SETD7: variants seen among roughly 807,000 people sequenced by gnomAD.
The protein encoded by SETD7 is SET domain containing 7, histone lysine methyltransferase.
In SETD7, 16 loss-of-function variants were observed where a neutral mutation model predicts 41.8. That is an observed-to-expected ratio of 0.38 (90% CI 0.26 to 0.58). SETD7 has a LOEUF of 0.58. Among genes scored for constraint, SETD7 ranks in the 20% least tolerant of loss-of-function variants. SETD7 has a pLI of 0.64. For synonymous variants in SETD7, 163 were observed against 169.7 expected, an observed-to-expected ratio of 0.96 and a Z score of 0.31; for missense variants, 346 against 459.7, an observed-to-expected ratio of 0.75 and a Z score of 2.26.
downstream of SETD7, among the ~76,000 whole-genome samples, chr4:139,505,204 T>C (rs776241888): frequency 1.3e-5 from 2 of 152,206 alleles, no homozygotes; most frequent in Non-Finnish European, 2.9e-5. Context: ...CCAAACTTCC[T>C]AGAATTCACT....
chr4:139,543,999 A>T (rs1727858511), intron 2 of SETD7, among the ~76,000 whole-genome samples: 1 of 148,722 alleles, frequency 6.7e-6, no homozygotes, highest in Non-Finnish European at 1.5e-5. Context: ...AAAATTAGTG[A>T]ATTGGTTAGG....
intron 7 of SETD7, among the ~76,000 whole-genome samples, chr4:139,514,497 G>C (rs1291505563): frequency 6.6e-6 from 1 of 151,394 alleles, no homozygotes; most frequent in Non-Finnish European, 1.5e-5. Context: ...AGACTGAAAA[G>C]AAAGAATTCA....
chr4:139,523,437 T>C lies in SETD7; in HGVS notation c.563-2A>G. On this transcript the variant is annotated splice_acceptor_variant, in intron 4 of 7. Coordinates refer to ENST00000274031, the MANE Select transcript of SETD7 (RefSeq NM_030648.4). LOFTEE classifies it high-confidence loss of function. ...ACTTATCAAAGTGGTACACTGAATC[T>C]GAAAAGCAAACAAAAATACCAGTAT... 2 of 1,609,910 alleles carry C rather than the reference T, an allele frequency of 1.2e-6. No individual in the cohort carries two copies. Among genetic ancestry groups the C allele is most frequent in the Non-Finnish European group, 1.7e-6 (2 of 1,176,396 alleles).
At chr4:139,529,000 G>A (rs1188483249) in intron 4 of SETD7, 31 bp downstream of exon 4, 1 of 1,598,928 alleles carries the variant, frequency 6.3e-7, no homozygotes, top group Admixed American at 1.7e-5. Context: ...TTTGGAATTG[G>A]AGCAACCCAT....
At chr4:139,545,537 T>C (rs1039837355) in intron 2 of SETD7, among the ~76,000 whole-genome samples, 2 of 152,208 alleles carry the variant, frequency 1.3e-5, no homozygotes, top group African/African-American at 4.8e-5. Context: ...AAAACTCTGC[T>C]TTACAAAAAG....
chr4:139,554,538 C>G (rs1728203039), intron 1 of SETD7, among the ~76,000 whole-genome samples: 1 of 152,344 alleles, frequency 6.6e-6, no homozygotes, highest in Admixed American at 6.5e-5. Flanking sequence ...AAGTCAACAA[C>G]TTTTAACTTC....
At chr4:139,519,507 T>C (rs1049254348) in intron 6 of SETD7, among the ~76,000 whole-genome samples, 3 of 152,262 alleles carry the variant, frequency 2.0e-5, no homozygotes, top group African/African-American at 4.8e-5. Context: ...TGACAGACCA[T>C]AGTGCAGTTT....
At position 139,507,097 on chromosome 4, in the gene SETD7, C is replaced by T. The variant is rs544561501; in HGVS notation, c.*4566G>A. Reference sequence around the variant, plus strand: ...CAACCCCAACTCCACTGAGGGCAGCCTCCCTGACGTGTGTGACTAGGCAGT... The same window carrying T: ...CAACCCCAACTCCACTGAGGGCAGCTTCCCTGACGTGTGTGACTAGGCAGT... On this transcript the variant is annotated 3_prime_UTR_variant, in exon 8 of 8. Transcript: ENST00000274031. 6.5e-6 allele frequency: 1 copy of T among 152,802 alleles called. No individual in the cohort carries two copies. The highest frequency in any genetic ancestry group is 2.4e-5 in the African/African-American group (1 of 41,594). The allele number at this position is 152,802 out of a possible 1,614,324, so 9.5% of individuals were successfully genotyped here.
chr4:139,543,359 G>A (rs920379309), intron 2 of SETD7, among the ~76,000 whole-genome samples: 9 of 152,126 alleles, frequency 5.9e-5, no homozygotes, highest in South Asian at 2.1e-4. Context: ...GTAGATTCTC[G>A]ACCTTTTATT....
chr4:139,529,995 A>G (rs1727438005), intron 3 of SETD7, among the ~76,000 whole-genome samples: 1 of 152,158 alleles, frequency 6.6e-6, no homozygotes, highest in Non-Finnish European at 1.5e-5. Flanking sequence ...CTTCATTGCT[A>G]GGGGTCATTG....
intron 1 of SETD7, among the ~76,000 whole-genome samples, chr4:139,552,555 C>A (rs1222245915): frequency 6.6e-6 from 1 of 152,158 alleles, no homozygotes; most frequent in African/African-American, 2.4e-5. Flanking sequence ...CTAAAGAGCC[C>A]CCACGGCTTC....
intron 5 of SETD7, 65 bp from the exon 6 acceptor site, chr4:139,520,459 G>T: frequency 1.1e-6 from 1 of 890,962 alleles, no homozygotes; most frequent in Non-Finnish European, 1.8e-6. Context: ...TACATCAACT[G>T]CCAAAATATC....
At chr4:139,544,582 A>G (rs1362525641) in intron 2 of SETD7, among the ~76,000 whole-genome samples, 2 of 152,134 alleles carry the variant, frequency 1.3e-5, no homozygotes, top group African/African-American at 2.4e-5. Context: ...CCACTTTGCT[A>G]TCTTACCCTA....
At chr4:139,539,189 A>G (rs967859121) in intron 2 of SETD7, among the ~76,000 whole-genome samples, 3 of 151,986 alleles carry the variant, frequency 2.0e-5, no homozygotes, top group African/African-American at 7.2e-5. Context: ...CCTTCCTTCC[A>G]CTGTGTTCCC....
intron 2 of SETD7, among the ~76,000 whole-genome samples, chr4:139,533,680 T>C (rs1004075522): frequency 6.6e-6 from 1 of 152,234 alleles, no homozygotes; most frequent in Non-Finnish European, 1.5e-5. Context: ...TTTCAGGCAA[T>C]AGAAATTCTG....
chr4:139,552,938 TTC>T (rs368862406), intron 1 of SETD7, among the ~76,000 whole-genome samples: 151 of 152,332 alleles, frequency 9.9e-4, no homozygotes, highest in African/African-American at 3.4e-3. Flanking sequence ...TGTGATAAAT[TTC>T]TGTTTCCAGA....
intron 5 of SETD7, among the ~76,000 whole-genome samples, chr4:139,522,249 G>A (rs141772591): frequency 6.6e-6 from 1 of 152,290 alleles, no homozygotes; most frequent in East Asian, 1.9e-4. Flanking sequence ...AACAGAAACT[G>A]AATGGGAGGT....
At chr4:139,533,403 C>T (rs769400825) in intron 2 of SETD7, 37 bp from the exon 3 acceptor site, 1 of 1,535,510 alleles carries the variant, frequency 6.5e-7, no homozygotes, top group South Asian at 1.2e-5. Context: ...AATAGTCAGA[C>T]CATGACTTGA....
intron 2 of SETD7, among the ~76,000 whole-genome samples, chr4:139,534,061 C>A (rs966937258): frequency 1.3e-5 from 2 of 152,042 alleles, no homozygotes; most frequent in Non-Finnish European, 2.9e-5. Flanking sequence ...AATGCTCCAC[C>A]CTGCTGATAT....
Sources: allele counts gnomAD v4.1 joint callset (sites outside exome capture counted in the v4.1 genomes callset), GRCh38; gene constraint gnomAD v4.1.1; transcripts MANE v1.5; gene names NCBI Gene and HGNC (gene_info 2026-07-23, HGNC 2026-07-21).